KIF2C: variants seen among roughly 807,000 people sequenced by gnomAD.
KIF2C encodes the protein kinesin family member 2C.
KIF2C carries 34 observed loss-of-function variants against 97.4 expected under a neutral mutation model. The ratio of observed to expected loss-of-function variants is 0.35; its 90% CI spans 0.27 to 0.46. KIF2C has a LOEUF of 0.46. KIF2C is among the 20% of genes least tolerant of loss of function. The pLI is 1.00. For synonymous variants in KIF2C, 313 were observed against 318.2 expected, an observed-to-expected ratio of 0.98 and a Z score of 0.17; for missense variants, 750 against 907.6, an observed-to-expected ratio of 0.83 and a Z score of 2.23.
intron 19 of KIF2C, among the ~76,000 whole-genome samples, chr1:44,763,246 G>A (rs975614976): frequency 1.3e-5 from 2 of 152,194 alleles, no homozygotes; most frequent in Non-Finnish European, 2.9e-5. Flanking sequence ...CCCTGCTACT[G>A]TAATCCCTAC....
At chr1:44,759,175 G>T in intron 13 of KIF2C, 31 bp from the exon 14 acceptor site, 1 of 1,613,152 alleles carries the variant, frequency 6.2e-7, no homozygotes, top group South Asian at 1.1e-5. Context: ...GTGCCCAGTG[G>T]CCTTAGCCTC....
chr1:44,740,012 G>T lies in KIF2C; in HGVS notation c.70+10G>T, dbSNP rs1402047160. The T allele has an allele frequency of 1.9e-6, 3 of 1,614,168 alleles. No homozygotes were observed. Among genetic ancestry groups the T allele is most frequent in the African/African-American group, 2.7e-5 (2 of 75,052 alleles). On this transcript the variant is annotated intron_variant, in intron 1 of 20. Transcript: ENST00000372224. Reference sequence around the variant, plus strand: ...ATCCAACGCAGTAATGGTGAGGAGCGGGGTCCCTAGGTCAAGGGGACTCGT... The same window carrying T: ...ATCCAACGCAGTAATGGTGAGGAGCTGGGTCCCTAGGTCAAGGGGACTCGT...
At chr1:44,749,207 T>C (rs1573556814) in intron 4 of KIF2C, among the ~76,000 whole-genome samples, 1 of 151,004 alleles carries the variant, frequency 6.6e-6, no homozygotes. Context: ...CCAAGGCGGG[T>C]GGATCACCTG....
At chr1:44,755,290 G>C (rs1042298901) in intron 8 of KIF2C, among the ~76,000 whole-genome samples, 1 of 151,776 alleles carries the variant, frequency 6.6e-6, no homozygotes, top group Middle Eastern at 3.2e-3. Flanking sequence ...TTTTGAGACA[G>C]AGTCTCGCTC....
chr1:44,759,119 C>G, intron 13 of KIF2C, 87 bp from the exon 14 acceptor site: 1 of 1,549,598 alleles, frequency 6.5e-7, no homozygotes, highest in South Asian at 1.2e-5. Flanking sequence ...GGCTCTTGTC[C>G]GAGCTGGGCA....
At chr1:44,751,187 ATTAT>A (rs72000438) in intron 5 of KIF2C, among the ~76,000 whole-genome samples, 64,081 of 150,448 alleles carry the variant, frequency 0.43, 14,108 homozygotes, top group African/African-American at 0.55. Flanking sequence ...TCTGTATTTT[ATTAT>A]TTATTTATTT....
intron 20 of KIF2C, 23 bp from the exon 21 acceptor site, chr1:44,767,074 T>C: frequency 1.2e-6 from 2 of 1,613,396 alleles, no homozygotes; most frequent in Non-Finnish European, 1.7e-6. Context: ...TAACCCCATA[T>C]GTACCGCTAC....
intron 16 of KIF2C, 98 bp from the exon 17 acceptor site, chr1:44,761,818 G>A (rs1650160005): frequency 1.7e-6 from 2 of 1,155,318 alleles, no homozygotes; most frequent in African/African-American, 1.5e-5. Context: ...GGTCTCCAAA[G>A]CTTGAAGAAA....
Position 44,767,282 on chromosome 1 carries a change from G to A in KIF2C, c.*103G>A, listed in dbSNP as rs1186081308. On this transcript the variant is annotated 3_prime_UTR_variant, in exon 21 of 21. Transcript: ENST00000372224. ...TGGGTCTAGGCAGGGTCTGAGCTGGGACAGGTTCTGGTAAATGCCAAGTAT... is the reference window on the plus strand; with the variant it reads ...TGGGTCTAGGCAGGGTCTGAGCTGGAACAGGTTCTGGTAAATGCCAAGTAT... 3 of 990,214 alleles carry A rather than the reference G, an allele frequency of 3.0e-6. No homozygotes were observed. Among genetic ancestry groups the A allele is most frequent in the African/African-American group, 3.2e-5 (2 of 62,178 alleles). The allele number at this position is 990,214 out of a possible 1,614,324, so 61.3% of individuals were successfully genotyped here.
rs139373762 is a variant in KIF2C at position 44,759,265 on chromosome 1, G to A, written c.1284G>A (p.Gln428=). 4.7e-3 allele frequency: 7,558 copies of A among 1,614,182 alleles called. 34 individuals carry two copies. The highest frequency in any genetic ancestry group is 5.3e-3 in the Non-Finnish European group (6,229 of 1,180,040). Residue 428 remains glutamine (Q), a synonymous_variant, in exon 14 of 21, where the codon CAG becomes CAA. Coordinates refer to ENST00000372224, the MANE Select transcript of KIF2C (RefSeq NM_006845.4). ...GCGTGCTGGAGGACGGCAAGCAACAGGTGCAAGTGGTGGGGCTGCAGGAGC... is the reference window on the plus strand; with the variant it reads ...GCGTGCTGGAGGACGGCAAGCAACAAGTGCAAGTGGTGGGGCTGCAGGAGC... ...KLRVLEDGKQ[Q]VQVVGLQEHL...
Position 44,760,660 on chromosome 1 carries a change from G to A in KIF2C, c.1641G>A (p.Val547=). 1 of 1,614,208 alleles carries A rather than the reference G, an allele frequency of 6.2e-7. No homozygotes were observed. The highest frequency in any genetic ancestry group is 8.5e-7 in the Non-Finnish European group (1 of 1,180,042). The change falls in exon 16 of 21, where the codon GTG becomes GTA. Residue 547 remains valine (V), a synonymous_variant. Transcript: ENST00000372224. The surrounding 1 kb of genome is among the most constrained non-coding windows in gnomAD (Gnocchi z 4.2). The part of the protein sequence containing the change: ...TPFRESKLTQ[V]LRDSFIGENS... ...TCCGTGAGAGCAAGCTGACACAGGTGCTGAGGGACTCCTTCATTGGGGAGA... is the reference window on the plus strand; with the variant it reads ...TCCGTGAGAGCAAGCTGACACAGGTACTGAGGGACTCCTTCATTGGGGAGA...
At chr1:44,747,513 A>G in intron 3 of KIF2C, 28 bp downstream of exon 3, 1 of 1,582,820 alleles carries the variant, frequency 6.3e-7, no homozygotes, top group South Asian at 1.1e-5. Flanking sequence ...GGCTGCAGCC[A>G]GTGCGCCAGA....
intron 4 of KIF2C, 38 bp from the exon 5 acceptor site, chr1:44,750,404 C>T (rs745612258): frequency 2.4e-5 from 32 of 1,338,930 alleles, no homozygotes; most frequent in Non-Finnish European, 2.9e-5. Context: ...CCCTCGAGAT[C>T]GTGCAGCACT....
intron 19 of KIF2C, among the ~76,000 whole-genome samples, chr1:44,765,059 A>G (rs2148836442): frequency 6.6e-6 from 1 of 152,172 alleles, no homozygotes; most frequent in East Asian, 2.0e-4. Context: ...GGCGAAGGTT[A>G]TAGTGAGCCG....
rs1430500900 is a variant in KIF2C, at chr1:44,740,914, T to G, written c.72T>G (p.Gly24=). 2 of 1,610,506 alleles carry G rather than the reference T, an allele frequency of 1.2e-6. No individual in the cohort carries two copies. Among genetic ancestry groups the G allele is most frequent in the Admixed American group, 1.7e-5 (1 of 59,922 alleles). Residue 24 remains glycine (G), a splice_region_variant and synonymous_variant, in exon 2 of 21, where the codon GGT becomes GGG. Transcript: ENST00000372224. ...GLAIKIQRSN[G]LIHSANVRTV... The stretch of plus-strand genomic sequence containing the variant: ...CTCTGGTTTTTTCATACTTTATAGG[T>G]TTAATTCACAGTGCCAATGTAAGGA...
Position 44,760,801 on chromosome 1 carries a change from C to CTG in KIF2C, c.1683+100_1683+101dup. The CTG allele has an allele frequency of 1.0e-6, 1 of 963,784 alleles. No homozygotes were observed. Among genetic ancestry groups the CTG allele is most frequent in the Non-Finnish European group, 1.6e-6 (1 of 621,368 alleles). 59.7% of individuals were successfully genotyped at this position (963,784 alleles called of 1,614,324 possible). ...TCCCTGGGCTGGAAGCTCAGCACTG[C>CTG]TGGCTGCCTGGGTTTCCAGGCTGTA... On this transcript the variant is annotated intron_variant, in intron 16 of 20. Transcript: ENST00000372224. The surrounding 1 kb of genome is among the most constrained non-coding windows in gnomAD (Gnocchi z 4.2).
intron 2 of KIF2C, among the ~76,000 whole-genome samples, 184 bp from the exon 3 acceptor site, chr1:44,747,200 C>T (rs1201707301): frequency 6.6e-6 from 1 of 151,372 alleles, no homozygotes; most frequent in African/African-American, 2.4e-5. Flanking sequence ...CCCAGCTACT[C>T]AGGAGGCTGA....
chr1:44,750,534 G>A lies in KIF2C; in HGVS notation c.409G>A (p.Ala137Thr). 3.2e-6 allele frequency: 5 copies of A among 1,583,270 alleles called. No homozygotes were observed. The highest frequency in any genetic ancestry group is 1.7e-4 in the Middle Eastern group (1 of 5,924). ...NDMEVELPAAANSRKQFSVPP... is the reference protein window; with the variant it reads ...NDMEVELPAATNSRKQFSVPP... ...CATGGAGGTGGAGCTGCCTGCAGCT[G>A]CAAACTCCCGCAAGCAGTTTTCAGT... is the stretch of plus-strand genomic sequence containing the variant. The change falls in exon 5 of 21, where the codon GCA (alanine) becomes ACA (threonine). Residue 137 changes from alanine (A) to threonine (T), a missense_variant. Physicochemically the swap from Ala to Thr is moderately conservative, Grantham distance 58. Coordinates refer to ENST00000372224, the MANE Select transcript of KIF2C (RefSeq NM_006845.4).
At chr1:44,753,860 G>C (rs1411906042) in intron 7 of KIF2C, 27 bp downstream of exon 7, 1 of 1,468,652 alleles carries the variant, frequency 6.8e-7, no homozygotes, top group African/African-American at 1.4e-5. Flanking sequence ...ACTAGGGTAA[G>C]GGTTTTTGGA....
Sources: allele counts gnomAD v4.1 joint callset (sites outside exome capture counted in the v4.1 genomes callset), GRCh38; gene constraint gnomAD v4.1.1; non-coding constraint Gnocchi (gnomAD v3.1); transcripts MANE v1.5; gene names NCBI Gene and HGNC (gene_info 2026-07-23, HGNC 2026-07-21).